The following DPYS variants were observed in gnomAD, a reference collection of about 807,000 sequenced individuals.
The protein encoded by DPYS is dihydropyrimidine amidohydrolase.
A neutral mutation model predicts 50.3 loss-of-function variants in DPYS; 39 were observed. That is an observed-to-expected ratio of 0.78 (90% CI 0.60 to 1.01). DPYS has a LOEUF of 1.01. Among genes scored for constraint, DPYS ranks in the 50% least tolerant of loss-of-function variants. DPYS has a pLI of 0.00. For missense variants in DPYS, 659 were observed against 680.9 expected, an observed-to-expected ratio of 0.97 and a Z score of 0.36; for synonymous variants, 245 against 250.7, an observed-to-expected ratio of 0.98 and a Z score of 0.22.
chr8:104,397,652 C>G (rs1811639175), intron 7 of DPYS, among the ~76,000 whole-genome samples: 1 of 152,128 alleles, frequency 6.6e-6, no homozygotes, highest in Non-Finnish European at 1.5e-5. Flanking sequence ...TCACTAATAC[C>G]TATAAATACT....
intron 1 of DPYS, among the ~76,000 whole-genome samples, chr8:104,461,698 G>A (rs940147825): frequency 2.6e-5 from 4 of 152,176 alleles, no homozygotes; most frequent in Non-Finnish European, 5.9e-5. Context: ...TGCTGAGTTT[G>A]AGGTGCTTCT....
intron 5 of DPYS, chr8:104,429,249 A>C: frequency 2.6e-6 from 1 of 384,010 alleles, no homozygotes; most frequent in Non-Finnish European, 4.8e-6. Flanking sequence ...GATAAAAAGT[A>C]AGGTGTAATG....
intron 6 of DPYS, among the ~76,000 whole-genome samples, 178 bp from the exon 7 acceptor site, chr8:104,424,567 G>A (rs1812657605): frequency 6.6e-6 from 1 of 152,182 alleles, no homozygotes; most frequent in Admixed American, 6.5e-5. Context: ...TGGAGATGAT[G>A]GGGTAACATA....
chr8:104,395,626 A>G (rs1811555932), intron 7 of DPYS, among the ~76,000 whole-genome samples: 1 of 152,218 alleles, frequency 6.6e-6, no homozygotes, highest in African/African-American at 2.4e-5. Flanking sequence ...TTTGTGTATC[A>G]ATAGCTCCTT....
At chr8:104,398,913 T>A (rs1291894573) in intron 7 of DPYS, among the ~76,000 whole-genome samples, 1 of 152,168 alleles carries the variant, frequency 6.6e-6, no homozygotes, top group African/African-American at 2.4e-5. Context: ...CAGACTCACA[T>A]AACCTCCCCT....
chr8:104,457,565 CA>C (rs1412694397), intron 1 of DPYS, among the ~76,000 whole-genome samples: 6 of 152,148 alleles, frequency 3.9e-5, no homozygotes, highest in African/African-American at 1.4e-4. Context: ...TATCCTAAAA[CA>C]AGTGACTTTG....
intron 2 of DPYS, among the ~76,000 whole-genome samples, chr8:104,451,009 G>A (rs375994649): frequency 3.9e-5 from 6 of 152,132 alleles, no homozygotes; most frequent in African/African-American, 1.2e-4. Flanking sequence ...TGTTATGAAT[G>A]AGCATAAAAG....
chr8:104,422,536 T>A (rs978045368), intron 7 of DPYS, among the ~76,000 whole-genome samples: 16 of 152,340 alleles, frequency 1.1e-4, no homozygotes, highest in Non-Finnish European at 1.9e-4. Context: ...TTGTCTTTCC[T>A]GGTAAAATTA....
At chr8:104,462,791 A>T (rs986183945) in intron 1 of DPYS, among the ~76,000 whole-genome samples, 6 of 152,256 alleles carry the variant, frequency 3.9e-5, no homozygotes, top group Admixed American at 2.6e-4. Context: ...TTGAATAAAA[A>T]ATTCCATTGT....
At chr8:104,457,705 A>G (rs1331612002) in intron 1 of DPYS, among the ~76,000 whole-genome samples, 1 of 152,196 alleles carries the variant, frequency 6.6e-6, no homozygotes, top group African/African-American at 2.4e-5. Flanking sequence ...ACTGAAACCT[A>G]CAAAAACAAG....
intron 3 of DPYS, among the ~76,000 whole-genome samples, chr8:104,444,999 G>A (rs538707785): frequency 6.6e-6 from 1 of 152,220 alleles, no homozygotes; most frequent in South Asian, 2.1e-4. Context: ...ATGGCAAACA[G>A]GCATATGAAA....
At chr8:104,399,290 C>CAAAAAAAAAA (rs11323938) in intron 7 of DPYS, among the ~76,000 whole-genome samples, 2 of 74,922 alleles carry the variant, frequency 2.7e-5, no homozygotes, top group African/African-American at 5.5e-5. Flanking sequence ...GACTCCATCT[C>CAAAAAAAAAA]AAAAAAAAAA....
chr8:104,430,959 C>T (rs1041153882), intron 4 of DPYS, among the ~76,000 whole-genome samples: 71 of 152,236 alleles, frequency 4.7e-4, no homozygotes, highest in African/African-American at 1.5e-3. Flanking sequence ...ATAGAATATG[C>T]CCAATCGTTT....
At chr8:104,394,703 A>C (rs1811518975) in intron 7 of DPYS, among the ~76,000 whole-genome samples, 1 of 151,554 alleles carries the variant, frequency 6.6e-6, no homozygotes, top group African/African-American at 2.4e-5. Flanking sequence ...TGAAACCCTC[A>C]GTGGCTCCAG....
chr8:104,444,422 A>C lies in DPYS; in HGVS notation c.619T>G (p.Leu207Val). The change falls in exon 4 of 10, where the codon TTG (leucine) becomes GTG (valine). Residue 207 changes from leucine to valine, a missense_variant. Transcript: ENST00000351513. ...TCAGGGCCTGTTATCCCCAGAGCCA[A>C]CATCTTCTTTGCTCCCTAAAAAGAC... ...DLIAEGAKKM[L>V]ALGITGPEGH... 6.2e-7 allele frequency: 1 copy of C among 1,614,212 alleles called. No individual in the cohort carries two copies. The highest frequency in any genetic ancestry group is 8.5e-7 in the Non-Finnish European group (1 of 1,180,050).
intron 4 of DPYS, among the ~76,000 whole-genome samples, chr8:104,431,571 C>T (rs892703491): frequency 1.3e-5 from 2 of 151,928 alleles, no homozygotes; most frequent in Non-Finnish European, 1.5e-5. Flanking sequence ...GGAAGGAAAA[C>T]AGGAGGCCTG....
Position 104,447,377 on chromosome 8 carries a change from C to T in DPYS, c.550G>A (p.Glu184Lys). The change falls in exon 3 of 10, where the codon GAA becomes AAA. Residue 184 changes from glutamate (E) to lysine (K), a missense_variant. Glu to Lys is a moderately conservative substitution (Grantham distance 56). Transcript: ENST00000351513. ...TGGACCTGGGCAATTGCTCCAATTT[C>T]CTTGCACCGAGAGAAGGCTTCGTAC... ...ELYEAFSRCKEIGAIAQVHAE... is the reference protein window; with the variant it reads ...ELYEAFSRCKKIGAIAQVHAE... 2 of 1,614,070 alleles carry T rather than the reference C, an allele frequency of 1.2e-6. No individual in the cohort carries two copies. The highest frequency in any genetic ancestry group is 2.2e-5 in the South Asian group (2 of 91,052).
chr8:104,400,496 T>C (rs1261519178), intron 7 of DPYS, among the ~76,000 whole-genome samples: 1 of 152,186 alleles, frequency 6.6e-6, no homozygotes. Flanking sequence ...TTGTGAGAAA[T>C]ACATTCTCTC....
chr8:104,406,282 C>T (rs186490084), intron 7 of DPYS, among the ~76,000 whole-genome samples: 1 of 152,324 alleles, frequency 6.6e-6, no homozygotes, highest in Non-Finnish European at 1.5e-5. Context: ...AATGATTTAA[C>T]CTCTCTGAAC....
Sources: allele counts gnomAD v4.1 joint callset (sites outside exome capture counted in the v4.1 genomes callset), GRCh38; gene constraint gnomAD v4.1.1; transcripts MANE v1.5; gene names NCBI Gene and HGNC (gene_info 2026-07-23, HGNC 2026-07-21).